The following UST variants were observed in gnomAD, a reference collection of about 807,000 sequenced individuals.
UST encodes chondroitin sulfate 2-O-sulfotransferase.
UST carries 21 observed loss-of-function variants against 45.6 expected under a neutral mutation model. The ratio of observed to expected loss-of-function variants is 0.46; its 90% CI spans 0.33 to 0.66. The LOEUF is 0.66. UST is among the 30% of genes least tolerant of loss of function. The probability of loss-of-function intolerance (pLI) is 0.02; values close to 1 mark genes in which losing one functional copy is unlikely to be tolerated. For missense variants in UST, 463 were observed against 512.4 expected, an observed-to-expected ratio of 0.90 and a Z score of 0.93; for synonymous variants, 215 against 200.6, an observed-to-expected ratio of 1.07 and a Z score of -0.61.
intron 2 of UST, among the ~76,000 whole-genome samples, chr6:148,923,141 T>C (rs1411374592): frequency 1.3e-5 from 2 of 152,216 alleles, no homozygotes. Flanking sequence ...TGCTTATGCT[T>C]AAAATAGTGA....
intron 3 of UST, among the ~76,000 whole-genome samples, chr6:148,951,185 CACATGGCTCA>C (rs1321397868): frequency 1.3e-5 from 2 of 152,182 alleles, no homozygotes; most frequent in Admixed American, 6.5e-5. Flanking sequence ...AGGTGGAATT[CACATGGCTCA>C]ACACACCATT....
At chr6:148,966,881 T>C (rs1345721092) in intron 5 of UST, among the ~76,000 whole-genome samples, 1 of 152,094 alleles carries the variant, frequency 6.6e-6, no homozygotes, top group Non-Finnish European at 1.5e-5. Flanking sequence ...GGACTACAGG[T>C]GCTTCCCACC....
chr6:148,786,278 C>T (rs1396897288), intron 1 of UST, among the ~76,000 whole-genome samples: 3 of 152,150 alleles, frequency 2.0e-5, no homozygotes, highest in Admixed American at 6.5e-5. Flanking sequence ...TGTGCAGGTT[C>T]GTTACACAGG....
intron 1 of UST, among the ~76,000 whole-genome samples, chr6:148,758,393 T>G (rs1776137284): frequency 6.6e-6 from 1 of 152,224 alleles, no homozygotes; most frequent in East Asian, 1.9e-4. Flanking sequence ...TCCACACTAC[T>G]TTTTTTGTTC....
intron 2 of UST, among the ~76,000 whole-genome samples, chr6:148,905,843 C>T (rs1779346723): frequency 6.6e-6 from 1 of 152,192 alleles, no homozygotes; most frequent in Non-Finnish European, 1.5e-5. Context: ...CTGCAAAGCA[C>T]TTAGAATGTC....
chr6:148,930,160 C>T (rs1250301401), intron 2 of UST, among the ~76,000 whole-genome samples: 2 of 152,192 alleles, frequency 1.3e-5, no homozygotes, highest in Admixed American at 6.5e-5. Context: ...CGTTCTCATA[C>T]CACTGTATGC....
At chr6:148,806,270 GT>G (rs1421185032) in intron 1 of UST, among the ~76,000 whole-genome samples, 2 of 152,140 alleles carry the variant, frequency 1.3e-5, no homozygotes. Context: ...TTTGCCTCAT[GT>G]CGATATTATT....
intron 2 of UST, among the ~76,000 whole-genome samples, chr6:148,907,358 C>A (rs1329389710): frequency 2.0e-5 from 3 of 152,096 alleles, no homozygotes; most frequent in Non-Finnish European, 4.4e-5. Flanking sequence ...TTCTAGATAC[C>A]TTATAGAGGT....
At chr6:148,983,894 C>A (rs752258047) in intron 5 of UST, among the ~76,000 whole-genome samples, 1 of 152,160 alleles carries the variant, frequency 6.6e-6, no homozygotes, top group Non-Finnish European at 1.5e-5. Flanking sequence ...ACCACCACCC[C>A]CACATCACAC....
At chr6:149,053,866 G>A (rs1776524788) in intron 7 of UST, among the ~76,000 whole-genome samples, 1 of 152,146 alleles carries the variant, frequency 6.6e-6, no homozygotes, top group Admixed American at 6.6e-5. Flanking sequence ...GTGCCTTTTT[G>A]GACAGTTGGT....
At chr6:149,012,671 A>G (rs1775831640) in intron 5 of UST, among the ~76,000 whole-genome samples, 1 of 152,212 alleles carries the variant, frequency 6.6e-6, no homozygotes, top group Non-Finnish European at 1.5e-5. Context: ...AAAGTTCCAC[A>G]GTGGTATATT....
At chr6:148,785,200 T>TAA (rs201558073) in intron 1 of UST, among the ~76,000 whole-genome samples, 4 of 128,086 alleles carry the variant, frequency 3.1e-5, no homozygotes, top group Non-Finnish European at 3.4e-5. Context: ...GACTCCATCT[T>TAA]AAAAAAAAAA....
At chr6:148,818,953 T>C (rs76345385) in intron 1 of UST, among the ~76,000 whole-genome samples, 2,008 of 152,296 alleles carry the variant, frequency 0.013, 52 homozygotes, top group African/African-American at 0.046. Context: ...GTTTTCTGTC[T>C]GGGGATAATC....
chr6:148,828,147 C>G (rs1370813867), intron 1 of UST, among the ~76,000 whole-genome samples: 1 of 151,902 alleles, frequency 6.6e-6, no homozygotes, highest in Non-Finnish European at 1.5e-5. Context: ...ATATATCTGT[C>G]AGGATATATG....
intron 2 of UST, among the ~76,000 whole-genome samples, chr6:148,898,571 A>C (rs997719142): frequency 6.6e-6 from 1 of 152,216 alleles, no homozygotes; most frequent in East Asian, 1.9e-4. Flanking sequence ...CCAAGTTCAG[A>C]CACAGTCCTA....
intron 2 of UST, among the ~76,000 whole-genome samples, chr6:148,924,441 G>A (rs1383571671): frequency 6.6e-6 from 1 of 152,190 alleles, no homozygotes; most frequent in Non-Finnish European, 1.5e-5. Flanking sequence ...CACACAGTAG[G>A]AAGTTAGCAG....
chr6:148,788,073 T>C (rs1477530483), intron 1 of UST, among the ~76,000 whole-genome samples: 24 of 152,182 alleles, frequency 1.6e-4, no homozygotes, highest in Admixed American at 1.0e-3. Flanking sequence ...AGGGAGGCCT[T>C]ACAATCATAG....
At chr6:149,066,916 C>G (rs914525253) in intron 7 of UST, among the ~76,000 whole-genome samples, 2 of 152,146 alleles carry the variant, frequency 1.3e-5, no homozygotes, top group Admixed American at 1.3e-4. Context: ...GGCAACAGAG[C>G]AAGACCCTAC....
chr6:148,939,646 G>A (rs1780087757), intron 2 of UST, among the ~76,000 whole-genome samples: 4 of 152,166 alleles, frequency 2.6e-5, no homozygotes, highest in Admixed American at 2.0e-4. Flanking sequence ...AAATGGTGCT[G>A]TGACAATTGG....
Sources: allele counts gnomAD v4.1 joint callset (sites outside exome capture counted in the v4.1 genomes callset), GRCh38; gene constraint gnomAD v4.1.1; transcripts MANE v1.5; gene names NCBI Gene and HGNC (gene_info 2026-07-23, HGNC 2026-07-21).